The following RABL3 variants were observed in gnomAD, a reference collection of about 807,000 sequenced individuals.
RABL3 encodes rab-like protein 3.
Under a neutral mutation model 31.8 loss-of-function variants are expected in RABL3, and 31 were observed. The observed-to-expected ratio is 0.97, with a 90% CI of 0.73 to 1.31. RABL3 has a LOEUF of 1.31. RABL3 is among the 40% of genes most tolerant of loss of function. RABL3 has a pLI of 0.00. For synonymous variants in RABL3, 97 were observed against 99.9 expected (o/e 0.97, Z 0.18); for missense variants, 263 against 279.6 (o/e 0.94, Z 0.42).
At chr3:120,703,478 T>C (rs1191277817) in intron 4 of RABL3, among the ~76,000 whole-genome samples, 1 of 151,986 alleles carries the variant, frequency 6.6e-6, no homozygotes, top group African/African-American at 2.4e-5. Flanking sequence ...ATACTTGTAT[T>C]GGCAAAAATG....
At position 120,690,444 on chromosome 3, in the gene RABL3, C is replaced by A. The variant is rs777368798; in HGVS notation, c.645+5G>T. The A allele has an allele frequency of 1.3e-6, 2 of 1,561,716 alleles. No individual in the cohort carries two copies. Among genetic ancestry groups the A allele is most frequent in the Non-Finnish European group, 1.8e-6 (2 of 1,133,780 alleles). On this transcript the variant is annotated splice_donor_5th_base_variant and intron_variant, in intron 7 of 7. Coordinates refer to ENST00000273375, the MANE Select transcript of RABL3 (RefSeq NM_173825.5). The stretch of plus-strand genomic sequence containing the variant: ...ATCTATTTTATCAAGAAAAGAGATA[C>A]CAACCTGATTACCTTCTCTTAAAAA...
chr3:120,718,940 C>G (rs1030171188), intron 2 of RABL3, among the ~76,000 whole-genome samples: 3 of 152,058 alleles, frequency 2.0e-5, no homozygotes, highest in African/African-American at 7.2e-5. Flanking sequence ...TTAGTACTCA[C>G]CTAGTAATAT....
At position 120,691,837 on chromosome 3, in the gene RABL3, G is replaced by A. The variant is rs575994854; in HGVS notation, c.607-1350C>T. Among the ~76,000 whole-genome samples the A allele has an allele frequency of 1.7e-4, 26 of 152,256 alleles. No homozygotes were observed. In the East Asian group the frequency reaches 4.6e-3, roughly 27 times the overall value. ...AACAGACCAGCTTGCTCTCTCTGGT[G>A]CCACAGCCATTCATCCAGATTCAAC... On this transcript the variant is annotated intron_variant, in intron 6 of 7. Coordinates refer to ENST00000273375, the MANE Select transcript of RABL3 (RefSeq NM_173825.5).
At chr3:120,702,110 T>C (rs370096096) in intron 4 of RABL3, among the ~76,000 whole-genome samples, 54 of 152,302 alleles carry the variant, frequency 3.5e-4, no homozygotes, top group African/African-American at 1.3e-3. Context: ...GGAGATAGTG[T>C]AGAAATACAA....
chr3:120,706,832 G>A (rs7430785), intron 3 of RABL3, among the ~76,000 whole-genome samples: 42,172 of 151,772 alleles, frequency 0.28, 7,612 homozygotes, highest in East Asian at 0.83. Flanking sequence ...GTACATGCAC[G>A]GATTTTGATA....
intron 1 of RABL3, among the ~76,000 whole-genome samples, chr3:120,731,979 A>G (rs927708199): frequency 4.6e-5 from 7 of 152,130 alleles, no homozygotes; most frequent in Non-Finnish European, 7.4e-5. Context: ...TGATCCCTTG[A>G]GCTCAGGAGT....
chr3:120,727,499 T>G (rs115239316), intron 2 of RABL3, among the ~76,000 whole-genome samples: 1 of 152,124 alleles, frequency 6.6e-6, no homozygotes, highest in Admixed American at 6.5e-5. Flanking sequence ...TGGTTTCACC[T>G]GTGAATTCTT....
chr3:120,709,688 T>C, intron 3 of RABL3, 92 bp downstream of exon 3: 1 of 943,160 alleles, frequency 1.1e-6, no homozygotes, highest in South Asian at 1.7e-5. Context: ...CTTTCTCAAA[T>C]TAAGATGAGT....
At position 120,689,561 on chromosome 3, in the gene RABL3, T is replaced by C. The variant is rs899218552; in HGVS notation, c.*262A>G. 11 of 328,650 alleles carry C rather than the reference T, an allele frequency of 3.3e-5. No homozygotes were observed. The highest frequency in any genetic ancestry group is 5.6e-5 in the Non-Finnish European group (10 of 179,004). The allele number at this position is 328,650 out of a possible 1,614,324, so 20.4% of individuals were successfully genotyped here. ...CTGTCATTGCTCATTTACTGCATCA[T>C]TTTGACAACATCTCATATTTACACA... On this transcript the variant is annotated 3_prime_UTR_variant, in exon 8 of 8. Coordinates refer to ENST00000273375, the MANE Select transcript of RABL3 (RefSeq NM_173825.5).
At chr3:120,736,746 A>G (rs1427051044) in intron 1 of RABL3, among the ~76,000 whole-genome samples, 1 of 152,160 alleles carries the variant, frequency 6.6e-6, no homozygotes, top group East Asian at 1.9e-4. Flanking sequence ...AAAATCTCTC[A>G]GCATTTGCTT....
intron 5 of RABL3, among the ~76,000 whole-genome samples, chr3:120,697,339 T>G (rs1576331762): frequency 6.6e-6 from 1 of 152,224 alleles, no homozygotes. Context: ...AAAAAGAGGA[T>G]AGTAATAGTA....
At position 120,715,268 on chromosome 3, in the gene RABL3, G is replaced by T. The variant is rs376339932; in HGVS notation, c.139-5359C>A. On this transcript the variant is annotated intron_variant, in intron 2 of 7. Transcript: ENST00000273375. ...AAATGCCCAATACAGGCCAGGTGTGGTGGCTCATGCCTATAATCCCAGCAC... is the reference window on the plus strand; with the variant it reads ...AAATGCCCAATACAGGCCAGGTGTGTTGGCTCATGCCTATAATCCCAGCAC... Among the ~76,000 whole-genome samples, 121 of 152,296 alleles carry T rather than the reference G, an allele frequency of 7.9e-4. 1 individual carries two copies. The highest frequency in any genetic ancestry group is 2.8e-3 in the African/African-American group (117 of 41,566).
Position 120,742,480 on chromosome 3 carries a change from G to A in RABL3, c.28C>T (p.Leu10=), listed in dbSNP as rs146987712. Residue 10 remains leucine, a synonymous_variant, in exon 1 of 8, where the codon CTG becomes TTG. Transcript: ENST00000273375. The stretch of plus-strand genomic sequence containing the variant: ...CGCTCACCTGAGTCTCCCAACACCA[G>A]TACCTTCACCCGATCCAGGGACGCC... MASLDRVKV[L]VLGDSGVGKS... is the part of the protein sequence containing the mutation. 20 of 1,614,056 alleles carry A rather than the reference G, an allele frequency of 1.2e-5. No homozygotes were observed. The African/African-American group carries it at 2.1e-4, about 17-fold the overall frequency.
rs546251214 is a variant in RABL3 at position 120,734,554 on chromosome 3, G to T, written c.47-3767C>A. Among the ~76,000 whole-genome samples, 150 of 152,142 alleles carry T rather than the reference G, an allele frequency of 9.9e-4. 2 individuals carry two copies. Among genetic ancestry groups the T allele is most frequent in the Admixed American group, 1.5e-3 (23 of 15,280 alleles). The stretch of plus-strand genomic sequence containing the variant: ...CTTTATTTCCTTCTCCTGCCTGATT[G>T]CCCTGGCCAGAACTTCCAACACTAT... On this transcript the variant is annotated intron_variant, in intron 1 of 7. Transcript: ENST00000273375.
intron 4 of RABL3, among the ~76,000 whole-genome samples, chr3:120,701,396 C>T (rs1218869271): frequency 6.6e-6 from 1 of 152,134 alleles, no homozygotes; most frequent in Non-Finnish European, 1.5e-5. Context: ...TATACATTTG[C>T]AGGTTTATCT....
intron 2 of RABL3, among the ~76,000 whole-genome samples, chr3:120,719,507 TG>T (rs1178894827): frequency 1.4e-4 from 21 of 152,236 alleles, no homozygotes; most frequent in Non-Finnish European, 2.4e-4. Context: ...ACCCTAATAC[TG>T]CGCTTTTCCA....
Position 120,730,690 on chromosome 3 carries a change from A to G in RABL3, c.138+6T>C, listed in dbSNP as rs1179860451. On this transcript the variant is annotated splice_donor_region_variant and intron_variant, in intron 2 of 7. Transcript: ENST00000273375. ...ATTGAAAAACTAAAATATAAAAGAC[A>G]CATACTCTGACATCCACTGAGCAGC... 1.3e-6 allele frequency: 2 copies of G among 1,596,320 alleles called. No individual in the cohort carries two copies. Among genetic ancestry groups the G allele is most frequent in the Non-Finnish European group, 1.7e-6 (2 of 1,167,490 alleles).
chr3:120,712,154 T>C (rs1708619712), intron 2 of RABL3, among the ~76,000 whole-genome samples: 1 of 152,106 alleles, frequency 6.6e-6, no homozygotes, highest in African/African-American at 2.4e-5. Context: ...CCAAATCCTT[T>C]TGGCCAAGGA....
intron 2 of RABL3, among the ~76,000 whole-genome samples, chr3:120,725,108 A>AAAAAC (rs1553726371): frequency 2.1e-4 from 31 of 150,630 alleles, no homozygotes; most frequent in Non-Finnish European, 1.2e-4. Flanking sequence ...TTACAAGAAA[A>AAAAAC]AAACAACCCC....
Sources: allele counts gnomAD v4.1 joint callset (sites outside exome capture counted in the v4.1 genomes callset), GRCh38; gene constraint gnomAD v4.1.1; transcripts MANE v1.5; gene names NCBI Gene and HGNC (gene_info 2026-07-23, HGNC 2026-07-21).